Variants in KIF12 observed in about 807,000 individuals in gnomAD.
KIF12 encodes the protein kinesin family member 12.
KIF12 carries 80 observed loss-of-function variants against 87.9 expected under a neutral mutation model. The observed-to-expected ratio is 0.91, with a 90% CI of 0.76 to 1.10. The LOEUF (loss-of-function observed/expected upper bound fraction) is 1.10, where lower values mean the gene tolerates loss of function less well. KIF12 is among the 50% of genes least tolerant of loss of function. The probability of loss-of-function intolerance (pLI) is 0.00; values close to 1 mark genes in which losing one functional copy is unlikely to be tolerated. For synonymous variants in KIF12, 353 were observed against 348.5 expected (o/e 1.01, Z -0.14); for missense variants, 819 against 865.3 (o/e 0.95, Z 0.67).
chr9:114,096,892 A>G (rs1847254301), intron 7 of KIF12, among the ~76,000 whole-genome samples: 1 of 152,220 alleles, frequency 6.6e-6, no homozygotes, highest in Non-Finnish European at 1.5e-5. Flanking sequence ...AAGGGCCTTT[A>G]GGCTAGGCTA....
At chr9:114,098,071 C>G (rs1041254576) in intron 5 of KIF12, 44 bp downstream of exon 5, 63 of 1,522,326 alleles carry the variant, frequency 4.1e-5, no homozygotes, top group Non-Finnish European at 5.4e-5. Context: ...GGCTTCCAGC[C>G]CACCCAGCCC....
Position 114,093,934 on chromosome 9 carries a change from G to C in KIF12, c.1352C>G (p.Ala451Gly). The change falls in exon 14 of 19, where the codon GCC becomes GGC. Residue 451 changes from alanine (A) to glycine (G), a missense_variant. Physicochemically the swap from Ala to Gly is moderately conservative, Grantham distance 60. Coordinates refer to ENST00000640217, the MANE Select transcript of KIF12 (RefSeq NM_001388308.1). ...KSQLQNSRDL[A>G]QNEQRILAQQ... ...GGCCAGGATGCGCTGCTCATTCTGG[G>C]CCAGGTCTCGGCTATTCTGCAGCTG... 1 of 1,614,100 alleles carries C rather than the reference G, an allele frequency of 6.2e-7. No individual in the cohort carries two copies. The highest frequency in any genetic ancestry group is 8.5e-7 in the Non-Finnish European group (1 of 1,180,012).
chr9:114,097,247 A>T (rs1847269949), intron 7 of KIF12, 54 bp downstream of exon 7: 4 of 1,579,956 alleles, frequency 2.5e-6, no homozygotes, highest in Admixed American at 2.0e-5. Context: ...CACTCAGTGA[A>T]CAACTGAGGA....
At chr9:114,098,223 C>T (rs1445553408) in intron 4 of KIF12, 33 bp from the exon 5 acceptor site, 2 of 1,524,112 alleles carry the variant, frequency 1.3e-6, no homozygotes, top group Non-Finnish European at 1.8e-6. Context: ...TGGACTCCGG[C>T]GGCTACCCGG....
rs1491408810 is a variant in KIF12, at chr9:114,096,169, A to AG, written c.776dup (p.Val260CysfsTer14). The AG allele has an allele frequency of 6.2e-7, 1 of 1,613,928 alleles. No homozygotes were observed. The highest frequency in any genetic ancestry group is 1.7e-5 in the Admixed American group (1 of 60,004). On this transcript the variant is annotated frameshift_variant, in exon 9 of 19. Coordinates refer to ENST00000640217, the MANE Select transcript of KIF12 (RefSeq NM_001388308.1). LOFTEE classifies it high-confidence loss of function. ...CCACAAAGCACAGCTTCCCACCAAC[A>AG]GGGGGCTCCCCAGGGTCCACAGAAG...
intron 16 of KIF12, 178 bp downstream of exon 16, chr9:114,093,051 G>A (rs78849667): frequency 6.8e-6 from 8 of 1,176,118 alleles, no homozygotes; most frequent in Middle Eastern, 2.9e-4. Flanking sequence ...GGTGAGGAGG[G>A]GGGAGGGTGA....
Position 114,095,479 on chromosome 9 carries a change from G to C in KIF12, c.896-147C>G, listed in dbSNP as rs928268336. 3.0e-5 allele frequency: 26 copies of C among 863,136 alleles called. No homozygotes were observed. The East Asian group carries it at 6.7e-4, about 22-fold the overall frequency. The allele number at this position is 863,136 out of a possible 1,614,324, so 53.5% of individuals were successfully genotyped here. A position where few individuals can be genotyped will look rare whatever the true frequency, so the allele number is the denominator to read the frequency against. ...ATGATCTCATGACTCAGTCAGATTG[G>C]TCTCCACCACCAGACTGGGACTCTT... On this transcript the variant is annotated intron_variant, in intron 9 of 18. Transcript: ENST00000640217.
chr9:114,097,517 ACCG>A lies in KIF12; in HGVS notation c.511-84_511-82del, dbSNP rs1416610127. The A allele has an allele frequency of 3.2e-6, 5 of 1,586,774 alleles. No individual in the cohort carries two copies. In the East Asian group the frequency reaches 9.0e-5, roughly 28 times the overall value. The stretch of plus-strand genomic sequence containing the variant: ...CCAGATCTTACTGACAACAGTCCCC[ACCG>A]CCTCTTCTGTCCTTTGATCCAGGCT... On this transcript the variant is annotated intron_variant, in intron 6 of 18. Transcript: ENST00000640217.
Position 114,097,643 on chromosome 9 carries a change from G to A in KIF12, c.474C>T (p.Thr158=). The change falls in exon 6 of 19, where the codon ACC becomes ACT. Residue 158 remains threonine, a synonymous_variant. Coordinates refer to ENST00000640217, the MANE Select transcript of KIF12 (RefSeq NM_001388308.1). ...AGATCTCCAGATAAGAGGCGCGAAG[G>A]GTGACAGGGGCACCCAGGTGCTGCA... ...DRVQHLGAPV[T]LRASYLEIYN... The A allele has an allele frequency of 1.2e-6, 2 of 1,611,774 alleles. No individual in the cohort carries two copies. Among genetic ancestry groups the A allele is most frequent in the South Asian group, 1.1e-5 (1 of 90,986 alleles).
chr9:114,092,297 G>A lies in KIF12; in HGVS notation c.1816+36C>T, dbSNP rs763303084. ...GTGGGTTCTACCCCAAGATCACAGA[G>A]AACATTAGGGGCCCCTCCCTCTCTC... On this transcript the variant is annotated intron_variant, in intron 18 of 18. Transcript: ENST00000640217. 3 of 1,516,576 alleles carry A rather than the reference G, an allele frequency of 2.0e-6. No individual in the cohort carries two copies. In the Admixed American group the frequency reaches 6.7e-5, roughly 34 times the overall value. The allele number at this position is 1,516,576 out of a possible 1,614,324, so 93.9% of individuals were successfully genotyped here. A position where few individuals can be genotyped will look rare whatever the true frequency, so the allele number is the denominator to read the frequency against.
intron 18 of KIF12, 24 bp downstream of exon 18, chr9:114,092,309 C>G: frequency 6.5e-7 from 1 of 1,529,244 alleles, no homozygotes; most frequent in Non-Finnish European, 8.8e-7. Flanking sequence ...ACATTAGGGG[C>G]CCCTCCCTCT....
chr9:114,092,074 C>A (rs1350696145), intron 18 of KIF12, 74 bp from the exon 19 acceptor site: 3 of 1,523,458 alleles, frequency 2.0e-6, no homozygotes, highest in Non-Finnish European at 1.8e-6. Context: ...GGTCCCAACA[C>A]CCTCTGGAGA....
At position 114,092,452 on chromosome 9, in the gene KIF12, C is replaced by G. The variant is rs1219881581; in HGVS notation, c.1698-1G>C. On this transcript the variant is annotated splice_acceptor_variant, in intron 17 of 18. Transcript: ENST00000640217. LOFTEE classifies it high-confidence loss of function. ...GGTCTGAGTCCAGTCACTGTGACTC[C>G]TGGGCCAGGGTGAGTTGGGAGATGG... 1.2e-6 allele frequency: 2 copies of G among 1,613,748 alleles called. No homozygotes were observed. Among genetic ancestry groups the G allele is most frequent in the Admixed American group, 3.3e-5 (2 of 60,004 alleles).
chr9:114,094,112 G>A, intron 13 of KIF12, 69 bp downstream of exon 13: 1 of 1,523,056 alleles, frequency 6.6e-7, no homozygotes, highest in Non-Finnish European at 9.1e-7. Context: ...AGAGGAGGCA[G>A]TTTGCCAGAA....
rs79497546 is a variant in KIF12, at chr9:114,092,822, C to T, written c.1597-180G>A. On this transcript the variant is annotated intron_variant, in intron 16 of 18. Transcript: ENST00000640217. ...TGTGTGCAGCAGATGGTTCTTCTAC[C>T]GTCCTCTCCTGAGACTAGAAGCCTC... 5,420 of 1,444,640 alleles carry T rather than the reference C, an allele frequency of 3.8e-3. 178 individuals are homozygous for T. In the African/African-American group the frequency reaches 0.069, roughly 18 times the overall value. 89.5% of individuals were successfully genotyped at this position (1,444,640 alleles called of 1,614,324 possible).
Position 114,097,454 on chromosome 9 carries a change from A to G in KIF12, c.511-18T>C, listed in dbSNP as rs931467026. 15 of 1,583,370 alleles carry G rather than the reference A, an allele frequency of 9.5e-6. No individual in the cohort carries two copies. The African/African-American group carries it at 2.0e-4, about 22-fold the overall frequency. On this transcript the variant is annotated intron_variant, in intron 6 of 18. Coordinates refer to ENST00000640217, the MANE Select transcript of KIF12 (RefSeq NM_001388308.1). ...TCCCGAACCTGGGAGGGGAGGGAGG[A>G]GGGTGAGGGAAGGGGATCTTTCTGA...
chr9:114,092,199 G>A lies in KIF12; in HGVS notation c.1816+134C>T, dbSNP rs1351898289. 3.4e-6 allele frequency: 5 copies of A among 1,489,692 alleles called. No homozygotes were observed. The Admixed American group carries it at 9.5e-5, about 28-fold the overall frequency. The allele number at this position is 1,489,692 out of a possible 1,614,324, so 92.3% of individuals were successfully genotyped here. A position where few individuals can be genotyped will look rare whatever the true frequency, so the allele number is the denominator to read the frequency against. ...CCTAAAAAGAGAATTCCAAGTTTGG[G>A]AAGTAGAAAGATCTTAGAAGCCACC... On this transcript the variant is annotated intron_variant, in intron 18 of 18. Coordinates refer to ENST00000640217, the MANE Select transcript of KIF12 (RefSeq NM_001388308.1).
At chr9:114,098,061 G>T in intron 5 of KIF12, 54 bp downstream of exon 5, 2 of 1,500,180 alleles carry the variant, frequency 1.3e-6, no homozygotes, top group Non-Finnish European at 1.8e-6. Flanking sequence ...GGCTCCCCAG[G>T]GCTTCCAGCC....
Position 114,096,081 on chromosome 9 carries a change from T to C in KIF12, c.865A>G (p.Asn289Asp), listed in dbSNP as rs1847215672. ...GSRGELMLEA[N>D]SINRSLLALG... Reference sequence around the variant, plus strand: ...GCCAGCAGGCTTCGGTTGATGCTGTTAGCCTCAAGCATCAGCTCCCCACGG... The same window carrying C: ...GCCAGCAGGCTTCGGTTGATGCTGTCAGCCTCAAGCATCAGCTCCCCACGG... The change falls in exon 9 of 19, where the codon AAC (asparagine) becomes GAC (aspartate). Residue 289 changes from asparagine (N) to aspartate (D), a missense_variant. Asn to Asp is a conservative substitution (Grantham distance 23). Transcript: ENST00000640217. 6.2e-7 allele frequency: 1 copy of C among 1,613,514 alleles called. No homozygotes were observed. Among genetic ancestry groups the C allele is most frequent in the Non-Finnish European group, 8.5e-7 (1 of 1,179,924 alleles).
Sources: allele counts gnomAD v4.1 joint callset (sites outside exome capture counted in the v4.1 genomes callset), GRCh38; gene constraint gnomAD v4.1.1; transcripts MANE v1.5; gene names NCBI Gene and HGNC (gene_info 2026-07-23, HGNC 2026-07-21).